Variants in HSPG2 observed in about 807,000 individuals in gnomAD.
The protein encoded by HSPG2 is basement membrane-specific heparan sulfate proteoglycan core protein.
A neutral mutation model predicts 526.6 loss-of-function variants in HSPG2; 278 were observed. The ratio of observed to expected loss-of-function variants is 0.53; its 90% CI spans 0.48 to 0.58. The LOEUF (loss-of-function observed/expected upper bound fraction) is 0.58. Among genes scored for constraint, HSPG2 ranks in the 20% least tolerant of loss-of-function variants. The pLI is 0.00. For synonymous variants in HSPG2, 2,465 were observed against 2,555.4 expected (o/e 0.96, Z 1.07); for missense variants, 5,354 against 6,099.5 (o/e 0.88, Z 4.07).
At chr1:21,851,718 C>A in intron 54 of HSPG2, 21 bp from the exon 55 acceptor site, 1 of 1,613,932 alleles carries the variant, frequency 6.2e-7, no homozygotes, top group Non-Finnish European at 8.5e-7. Flanking sequence ...AGATGGTCAC[C>A]GGTCACTCCT....
At chr1:21,851,385 A>T in intron 55 of HSPG2, 161 bp downstream of exon 55, 2 of 936,634 alleles carry the variant, frequency 2.1e-6, no homozygotes, top group Non-Finnish European at 3.2e-6. Flanking sequence ...CACCCAGGTT[A>T]GTCAGTCCTA....
intron 3 of HSPG2, among the ~76,000 whole-genome samples, chr1:21,891,927 T>C (rs1267928265): frequency 6.6e-6 from 1 of 152,244 alleles, no homozygotes; most frequent in East Asian, 1.9e-4. Context: ...TTATGCTCAT[T>C]ACGTTTCACA....
In HSPG2 at chr1:21,844,275, C is replaced by A; in HGVS notation, c.8489G>T (p.Arg2830Leu). ...VPAPGGAPPI[R>L]IEPSSSRVAE... ...CACTCGGGAGGAGGAGGGCTCGATG[C>A]GGATGGGTGGGGCTCCACCTGGGGC... Residue 2830 changes from arginine (R) to leucine (L), a missense_variant, in exon 65 of 97, where the codon CGC (arginine) becomes CTC (leucine). Arg to Leu is a moderately radical substitution (Grantham distance 102). Coordinates refer to ENST00000374695, the MANE Select transcript of HSPG2 (RefSeq NM_005529.7). 1 of 1,613,354 alleles carries A rather than the reference C, an allele frequency of 6.2e-7. No individual in the cohort carries two copies. The highest frequency in any genetic ancestry group is 1.1e-5 in the South Asian group (1 of 91,050).
Position 21,876,357 on chromosome 1 carries a change from CG to C in HSPG2, c.2874del (p.Ala959GlnfsTer44). On this transcript the variant is annotated frameshift_variant, in exon 23 of 97. Coordinates refer to ENST00000374695, the MANE Select transcript of HSPG2 (RefSeq NM_005529.7). LOFTEE classifies it high-confidence loss of function. ...EEPGHFSLTN[A>X]ASTHTTNEGI... The stretch of plus-strand genomic sequence containing the variant: ...CCCTCGTTGGTGGTGTGGGTGCTTG[CG>C]GCGTTGGTCAGGCTGAAGTGACCAG... 6.2e-7 allele frequency: 1 copy of C among 1,613,024 alleles called. No individual in the cohort carries two copies. Among genetic ancestry groups the C allele is most frequent in the Non-Finnish European group, 8.5e-7 (1 of 1,179,602 alleles).
chr1:21,901,657 C>T (rs530853284), intron 1 of HSPG2, among the ~76,000 whole-genome samples: 1 of 152,254 alleles, frequency 6.6e-6, no homozygotes, highest in African/African-American at 2.4e-5. Flanking sequence ...CCCCGACTGC[C>T]CCCGCAGCTA....
At position 21,833,904 on chromosome 1, in the gene HSPG2, G is replaced by A. The variant is rs1390813150; in HGVS notation, c.10742C>T (p.Pro3581Leu). The change falls in exon 78 of 97, where the codon CCC (proline) becomes CTC (leucine). Residue 3581 changes from proline (P) to leucine (L), a missense_variant. Transcript: ENST00000374695. ...ACCAGCAGGCACACGGACTTCTTGGGGCATTGAGATCTGGGGCAAGGCTGA... is the reference window on the plus strand; with the variant it reads ...ACCAGCAGGCACACGGACTTCTTGGAGCATTGAGATCTGGGGCAAGGCTGA... ...LVQALPQISM[P>L]QEVRVPAGSA... The A allele has an allele frequency of 6.3e-7, 1 of 1,592,982 alleles. No homozygotes were observed. The highest frequency in any genetic ancestry group is 2.3e-5 in the East Asian group (1 of 43,814).
At chr1:21,855,057 TA>T (rs1215331975) in intron 47 of HSPG2, 74 bp from the exon 48 acceptor site, 1 of 1,568,472 alleles carries the variant, frequency 6.4e-7, no homozygotes, top group Non-Finnish European at 8.7e-7. Flanking sequence ...AGATAGGGCA[TA>T]AAAGGGAGAG....
In HSPG2 at chr1:21,844,278, A is replaced by ACGGG; in HGVS notation, c.8485_8486insCCCG (p.Ile2829ThrfsTer60). 6.2e-7 allele frequency: 1 copy of ACGGG among 1,613,262 alleles called. No individual in the cohort carries two copies. The highest frequency in any genetic ancestry group is 8.5e-7 in the Non-Finnish European group (1 of 1,179,830). ...TCGGGAGGAGGAGGGCTCGATGCGG[A>ACGGG]TGGGTGGGGCTCCACCTGGGGCTGG... On this transcript the variant is annotated frameshift_variant, in exon 65 of 97. Coordinates refer to ENST00000374695, the MANE Select transcript of HSPG2 (RefSeq NM_005529.7). LOFTEE classifies it high-confidence loss of function.
intron 1 of HSPG2, among the ~76,000 whole-genome samples, chr1:21,897,709 T>A (rs1642850675): frequency 6.6e-6 from 1 of 152,100 alleles, no homozygotes; most frequent in Admixed American, 6.5e-5. Context: ...GAAAGTCTAA[T>A]CCATAGTGAC....
intron 65 of HSPG2, among the ~76,000 whole-genome samples, chr1:21,843,672 T>C (rs931669685): frequency 6.6e-6 from 1 of 151,886 alleles, no homozygotes; most frequent in Non-Finnish European, 1.5e-5. Context: ...TTTGAGACAG[T>C]GTCTCGCTCT....
At chr1:21,874,563 G>A in intron 27 of HSPG2, 30 bp from the exon 28 acceptor site, 1 of 1,613,822 alleles carries the variant, frequency 6.2e-7, no homozygotes, top group Non-Finnish European at 8.5e-7. Context: ...GTTGAGGCTG[G>A]GCCTCCAGAG....
At chr1:21,832,798 C>G (rs577929466) in intron 80 of HSPG2, 192 bp from the exon 81 acceptor site, 2 of 603,972 alleles carry the variant, frequency 3.3e-6, no homozygotes, top group East Asian at 5.5e-5. Context: ...CCTTACTGAG[C>G]GCCCCTAGAA....
intron 33 of HSPG2, chr1:21,870,284 G>A (rs1005551054): frequency 3.3e-5 from 33 of 985,874 alleles, no homozygotes; most frequent in African/African-American, 2.1e-4. Context: ...ACGGCTGCCC[G>A]CAACTGCTCC....
chr1:21,888,218 G>A, intron 6 of HSPG2, 152 bp from the exon 7 acceptor site: 1 of 982,574 alleles, frequency 1.0e-6, no homozygotes, highest in Non-Finnish European at 1.5e-6. Flanking sequence ...GCACACACTA[G>A]ACACATCCAC....
In HSPG2 at chr1:21,865,834, C is replaced by T. The variant is rs1400739355; in HGVS notation, c.4222-25G>A. On this transcript the variant is annotated intron_variant, in intron 33 of 96. Coordinates refer to ENST00000374695, the MANE Select transcript of HSPG2 (RefSeq NM_005529.7). This position sits in a 1 kb window ranked among gnomAD's most constrained non-coding sequence, Gnocchi z 5.4. ...CCTGCAAAGAGGCAAGCCCAGAGGT[C>T]ACAGGCTGACCTTGGGGTGTGAGTG... is the stretch of plus-strand genomic sequence containing the variant. The T allele has an allele frequency of 6.3e-7, 1 of 1,580,074 alleles. No individual in the cohort carries two copies. Among genetic ancestry groups the T allele is most frequent in the Non-Finnish European group, 8.7e-7 (1 of 1,149,818 alleles).
At chr1:21,884,992 C>A in intron 11 of HSPG2, 21 bp downstream of exon 11, 3 of 1,613,902 alleles carry the variant, frequency 1.9e-6, no homozygotes, top group Middle Eastern at 1.6e-4. Context: ...CCCACCCCAC[C>A]ACCTGGGCCC....
chr1:21,830,094 G>C lies in HSPG2; in HGVS notation c.11672-3C>G. On this transcript the variant is annotated splice_region_variant and splice_polypyrimidine_tract_variant and intron_variant, in intron 85 of 96. Coordinates refer to ENST00000374695, the MANE Select transcript of HSPG2 (RefSeq NM_005529.7). ...GGTGGCGTCGGGCCCACAGGCCTCTGGGGGGCACATAGGCCAGTGAAAAGA... is the reference window on the plus strand; with the variant it reads ...GGTGGCGTCGGGCCCACAGGCCTCTCGGGGGCACATAGGCCAGTGAAAAGA... The C allele has an allele frequency of 6.3e-7, 1 of 1,590,056 alleles. No homozygotes were observed. The highest frequency in any genetic ancestry group is 8.5e-7 in the Non-Finnish European group (1 of 1,169,918).
intron 13 of HSPG2, among the ~76,000 whole-genome samples, chr1:21,882,196 G>T (rs12740543): frequency 0.23 from 34,410 of 151,428 alleles, 4,641 homozygotes; most frequent in East Asian, 0.58. Context: ...AGGCAGGAGA[G>T]CTACACAGGG....
chr1:21,934,049 GGTCAGCAGGCCAAGGCCTGCCGA>G (rs1569736268), intron 1 of HSPG2, among the ~76,000 whole-genome samples: 1 of 152,146 alleles, frequency 6.6e-6, no homozygotes, highest in African/African-American at 2.4e-5. Context: ...GCCCTAAAGG[GGTCAGCAGGCCAAGGCCTGCCGA>G]GTCACCCAGG....
Sources: gnomAD v4.1 joint callset for allele counts (sites outside exome capture counted in the v4.1 genomes callset) on GRCh38, gnomAD v4.1.1 for gene constraint, Gnocchi (gnomAD v3.1) non-coding constraint, MANE v1.5 for transcripts, NCBI Gene and HGNC (gene_info 2026-07-23, HGNC 2026-07-21) for gene names.